The following EXOC4 variants were observed in gnomAD, a reference collection of about 807,000 sequenced individuals.
EXOC4 encodes the protein SEC8-like 1.
A neutral mutation model predicts 107.2 loss-of-function variants in EXOC4; 71 were observed. The observed-to-expected ratio is 0.66, with a 90% confidence interval of 0.55 to 0.81. EXOC4 has a LOEUF of 0.81. Among genes scored for constraint, EXOC4 ranks in the 30% least tolerant of loss-of-function variants. The probability of loss-of-function intolerance (pLI) is 0.00; values close to 1 mark genes in which losing one functional copy is unlikely to be tolerated. For missense variants in EXOC4, 1,108 were observed against 1,189.6 expected (o/e 0.93, Z 1.01); for synonymous variants, 456 against 441.2 (o/e 1.03, Z -0.42).
chr7:133,953,956 A>G (rs1192543120), intron 14 of EXOC4, among the ~76,000 whole-genome samples: 2 of 152,250 alleles, frequency 1.3e-5, no homozygotes, highest in African/African-American at 2.4e-5. Context: ...GTGAAGTACT[A>G]TATGGGAGGA....
chr7:133,467,683 G>A (rs528418027), intron 7 of EXOC4, among the ~76,000 whole-genome samples: 1 of 146,976 alleles, frequency 6.8e-6, no homozygotes, highest in Middle Eastern at 3.6e-3. Context: ...TGAAATATTC[G>A]TTATTTACTG....
rs150594139 is a variant in EXOC4 at position 133,607,716 on chromosome 7, C to T, written c.1418-22329C>T. Among the ~76,000 whole-genome samples the T allele has an allele frequency of 3.6e-3, 545 of 152,232 alleles. 9 individuals are homozygous for T. The highest frequency in any genetic ancestry group is 0.033 in the East Asian group (171 of 5,160). On this transcript the variant is annotated intron_variant, in intron 9 of 17. Transcript: ENST00000253861. ...TTAAGAAGATCAGAAGACTGTAAAT[C>T]GATTTATAGACTTCTCATAAGAAAT...
chr7:133,487,476 A>G (rs1415759538), intron 9 of EXOC4, among the ~76,000 whole-genome samples: 3 of 152,194 alleles, frequency 2.0e-5, no homozygotes, highest in Non-Finnish European at 4.4e-5. Flanking sequence ...TGGGAGGCCA[A>G]GGTGGGTGGA....
chr7:133,472,332 T>C (rs1563078641), intron 7 of EXOC4, among the ~76,000 whole-genome samples: 1 of 151,850 alleles, frequency 6.6e-6, no homozygotes. Context: ...TGGACAGGAG[T>C]GGGCAAACTA....
intron 5 of EXOC4, among the ~76,000 whole-genome samples, chr7:133,353,609 G>A (rs1237389008): frequency 6.6e-6 from 1 of 151,968 alleles, no homozygotes; most frequent in Admixed American, 6.6e-5. Context: ...AATGTGTCAT[G>A]GTGTAGGTCT....
intron 5 of EXOC4, among the ~76,000 whole-genome samples, chr7:133,346,773 C>T (rs937551437): frequency 1.3e-5 from 2 of 152,062 alleles, no homozygotes; most frequent in South Asian, 2.1e-4. Context: ...ATTTAAGTTA[C>T]GTAGATTGAA....
chr7:133,656,910 G>A (rs1054561253), intron 10 of EXOC4, among the ~76,000 whole-genome samples: 10 of 152,128 alleles, frequency 6.6e-5, no homozygotes, highest in Admixed American at 5.9e-4. Context: ...TAATTCAGAA[G>A]AGCATTTCAA....
intron 2 of EXOC4, 85 bp from the exon 3 acceptor site, chr7:133,288,837 G>C (rs1409145834): frequency 9.1e-7 from 1 of 1,093,268 alleles, no homozygotes; most frequent in Admixed American, 2.0e-5. Flanking sequence ...GCATACAGTA[G>C]TACCAGTGAA....
intron 7 of EXOC4, among the ~76,000 whole-genome samples, chr7:133,405,745 A>T (rs1797201756): frequency 1.3e-5 from 2 of 152,214 alleles, no homozygotes; most frequent in Admixed American, 6.5e-5. Context: ...GATTAATAAC[A>T]ATGATAGTAG....
At chr7:133,791,154 A>G (rs1419137476) in intron 10 of EXOC4, among the ~76,000 whole-genome samples, 1 of 152,176 alleles carries the variant, frequency 6.6e-6, no homozygotes, top group African/African-American at 2.4e-5. Flanking sequence ...ACATTTTAGA[A>G]CTAACAGGAA....
At chr7:133,508,316 T>G (rs1799704205) in intron 9 of EXOC4, among the ~76,000 whole-genome samples, 2 of 152,158 alleles carry the variant, frequency 1.3e-5, no homozygotes, top group Non-Finnish European at 2.9e-5. Context: ...TACTTGAATT[T>G]CTGACTCAGT....
Position 133,625,007 on chromosome 7 carries a change from CCTG to C in EXOC4, c.1418-5035_1418-5033del, listed in dbSNP as rs368379986. On this transcript the variant is annotated intron_variant, in intron 9 of 17. Coordinates refer to ENST00000253861, the MANE Select transcript of EXOC4 (RefSeq NM_021807.4). ...TAAGACTAGAGAAAGTTCTTTCTGT[CCTG>C]CTAAGTGTTCCCAGCAAATTTCTAA... Among the ~76,000 whole-genome samples the C allele has an allele frequency of 2.5e-3, 375 of 152,138 alleles. 5 individuals are homozygous for C. The highest frequency in any genetic ancestry group is 8.5e-3 in the African/African-American group (351 of 41,530).
intron 10 of EXOC4, among the ~76,000 whole-genome samples, chr7:133,692,380 A>G (rs1022184067): frequency 1.3e-5 from 2 of 152,234 alleles, no homozygotes; most frequent in Admixed American, 6.5e-5. Context: ...TTTTTACAGC[A>G]TCGCAGGCTT....
intron 9 of EXOC4, among the ~76,000 whole-genome samples, chr7:133,598,050 C>A (rs1422190708): frequency 6.6e-6 from 1 of 151,908 alleles, no homozygotes; most frequent in Non-Finnish European, 1.5e-5. Flanking sequence ...ATGACAAAAA[C>A]CTCAATTACT....
At chr7:133,603,630 A>C (rs1801862445) in intron 9 of EXOC4, among the ~76,000 whole-genome samples, 2 of 152,224 alleles carry the variant, frequency 1.3e-5, no homozygotes, top group African/African-American at 4.8e-5. Context: ...CTATCTAAAC[A>C]TATGTAAACA....
intron 10 of EXOC4, among the ~76,000 whole-genome samples, chr7:133,720,546 C>A (rs1367426316): frequency 6.6e-6 from 1 of 151,646 alleles, no homozygotes; most frequent in African/African-American, 2.4e-5. Flanking sequence ...TAAAATAGTC[C>A]CTTTTGGAAT....
At chr7:133,622,084 C>G (rs1397085537) in intron 9 of EXOC4, among the ~76,000 whole-genome samples, 1 of 152,166 alleles carries the variant, frequency 6.6e-6, no homozygotes, top group East Asian at 1.9e-4. Context: ...AAGCTATCTT[C>G]CTGCCTCAGC....
intron 10 of EXOC4, among the ~76,000 whole-genome samples, chr7:133,676,365 G>A (rs1333445165): frequency 2.0e-5 from 3 of 152,120 alleles, no homozygotes; most frequent in Non-Finnish European, 4.4e-5. Context: ...TGCTGGAATG[G>A]GACCGAGTAT....
At chr7:133,854,414 A>G (rs911434685) in intron 11 of EXOC4, among the ~76,000 whole-genome samples, 34 of 144,324 alleles carry the variant, frequency 2.4e-4, no homozygotes, top group African/African-American at 8.2e-4. Context: ...AAGAGCACAC[A>G]CACACACACA....
Sources: allele counts gnomAD v4.1 joint callset (sites outside exome capture counted in the v4.1 genomes callset), GRCh38; gene constraint gnomAD v4.1.1; transcripts MANE v1.5; gene names NCBI Gene and HGNC (gene_info 2026-07-23, HGNC 2026-07-21).